Variants in NKAIN3 observed in about 807,000 individuals in gnomAD.
NKAIN3 encodes the protein sodium/potassium-transporting ATPase subunit beta-1-interacting protein 3.
A neutral mutation model predicts 30.2 loss-of-function variants in NKAIN3; 25 were observed. That is an observed-to-expected ratio of 0.83 (90% CI 0.60 to 1.16). The LOEUF (loss-of-function observed/expected upper bound fraction) is 1.16. Ranked by LOEUF, NKAIN3 falls within the 50% of genes most tolerant of loss-of-function variation. The pLI is 0.00. For synonymous variants in NKAIN3, 91 were observed against 89.6 expected (o/e 1.02, Z -0.09); for missense variants, 225 against 254.1 (o/e 0.89, Z 0.78).
intron 4 of NKAIN3, among the ~76,000 whole-genome samples, chr8:62,902,636 A>G (rs1009782272): frequency 2.0e-5 from 3 of 152,238 alleles, no homozygotes; most frequent in African/African-American, 7.2e-5. Context: ...CATGTGACAC[A>G]TTTATGAATT....
chr8:62,622,746 G>T (rs1811656413), intron 3 of NKAIN3, among the ~76,000 whole-genome samples: 1 of 151,716 alleles, frequency 6.6e-6, no homozygotes, highest in Admixed American at 6.6e-5. Context: ...TCTTAACAGG[G>T]CCTGTCACAG....
chr8:62,659,863 G>A lies in NKAIN3; in HGVS notation c.273+70069G>A, dbSNP rs554619093. 7.2e-5 allele frequency among the ~76,000 whole-genome samples: 11 copies of A among 152,094 alleles called. No homozygotes were observed. The South Asian group carries it at 2.3e-3, about 32-fold the overall frequency. On this transcript the variant is annotated intron_variant, in intron 3 of 6. Transcript: ENST00000623646. ...CATGACATCTGATGGTTCTAAAAAG[G>A]GGAGTTTCCCTGCACAAGCACTGTC... is the stretch of plus-strand genomic sequence containing the variant.
intron 5 of NKAIN3, among the ~76,000 whole-genome samples, chr8:62,930,116 C>T (rs1376162894): frequency 6.6e-6 from 1 of 152,184 alleles, no homozygotes; most frequent in Non-Finnish European, 1.5e-5. Context: ...GCATTAGGTA[C>T]ATTCAGAGTG....
chr8:62,456,307 G>A (rs1394001397), intron 1 of NKAIN3, among the ~76,000 whole-genome samples: 6 of 152,044 alleles, frequency 3.9e-5, no homozygotes, highest in Admixed American at 2.6e-4. Flanking sequence ...GGATCACGAG[G>A]TCAGGAGATC....
chr8:62,519,870 A>G (rs1266726042), intron 1 of NKAIN3, among the ~76,000 whole-genome samples: 1 of 152,146 alleles, frequency 6.6e-6, no homozygotes, highest in Non-Finnish European at 1.5e-5. Flanking sequence ...CACATAGTTC[A>G]GCACAGCCCT....
chr8:62,568,560 C>T (rs16929185), intron 1 of NKAIN3, among the ~76,000 whole-genome samples: 2,072 of 152,322 alleles, frequency 0.014, 42 homozygotes, highest in African/African-American at 0.043. Context: ...ATGTCCTTCA[C>T]ATGCACTTTT....
chr8:62,836,737 C>T (rs947442494), intron 4 of NKAIN3, among the ~76,000 whole-genome samples: 3 of 152,058 alleles, frequency 2.0e-5, no homozygotes, highest in African/African-American at 4.8e-5. Flanking sequence ...GCTTTGGCTC[C>T]AATGCTCTCA....
chr8:62,563,204 AT>A (rs1275321834), intron 1 of NKAIN3, among the ~76,000 whole-genome samples: 1 of 152,114 alleles, frequency 6.6e-6, no homozygotes, highest in Non-Finnish European at 1.5e-5. Flanking sequence ...CTATAACTGC[AT>A]TTTTTAAGGG....
intron 5 of NKAIN3, among the ~76,000 whole-genome samples, chr8:62,993,376 G>T (rs1032919377): frequency 6.6e-6 from 1 of 152,136 alleles, no homozygotes; most frequent in Non-Finnish European, 1.5e-5. Context: ...CAACACTTAA[G>T]AAAATTGGAA....
chr8:62,787,543 ATATACT>A (rs1817561664), intron 4 of NKAIN3, among the ~76,000 whole-genome samples: 1 of 151,938 alleles, frequency 6.6e-6, no homozygotes, highest in South Asian at 2.1e-4. Flanking sequence ...ATTATTATTA[ATATACT>A]TTAACTTTTA....
chr8:62,850,702 T>G (rs1489840585), intron 4 of NKAIN3, among the ~76,000 whole-genome samples: 8 of 150,714 alleles, frequency 5.3e-5, no homozygotes, highest in Non-Finnish European at 1.2e-4. Flanking sequence ...GCACCATTTA[T>G]TAAATAGGGA....
chr8:62,698,629 A>G (rs1200414319), intron 3 of NKAIN3, among the ~76,000 whole-genome samples: 1 of 152,226 alleles, frequency 6.6e-6, no homozygotes, highest in Admixed American at 6.5e-5. Flanking sequence ...TGTACAACCA[A>G]GTGTAGGACC....
chr8:62,270,358 A>G (rs960369501), intron 1 of NKAIN3, among the ~76,000 whole-genome samples: 3 of 152,188 alleles, frequency 2.0e-5, no homozygotes, highest in African/African-American at 7.2e-5. Flanking sequence ...CTGGGATTAC[A>G]GTCATGAGCC....
chr8:62,576,558 C>T (rs1426846774), intron 1 of NKAIN3, among the ~76,000 whole-genome samples: 1 of 152,108 alleles, frequency 6.6e-6, no homozygotes, highest in Non-Finnish European at 1.5e-5. Context: ...ATCACAACCA[C>T]TGTTTTCTAG....
intron 1 of NKAIN3, among the ~76,000 whole-genome samples, chr8:62,274,267 AT>A (rs35165279): frequency 0.59 from 90,096 of 151,828 alleles, 26,981 homozygotes; most frequent in East Asian, 0.68. Context: ...AAAAAAAGCA[AT>A]TTTTTGGAGA....
At chr8:62,365,547 T>C (rs1816709123) in intron 1 of NKAIN3, among the ~76,000 whole-genome samples, 1 of 152,326 alleles carries the variant, frequency 6.6e-6, no homozygotes, top group African/African-American at 2.4e-5. Context: ...GGAATGAACA[T>C]TTATGTTGTT....
At chr8:62,333,982 T>C (rs529463131) in intron 1 of NKAIN3, among the ~76,000 whole-genome samples, 1 of 152,138 alleles carries the variant, frequency 6.6e-6, no homozygotes, top group Non-Finnish European at 1.5e-5. Context: ...AGGCGCAGAA[T>C]GACTTCAAGA....
intron 1 of NKAIN3, among the ~76,000 whole-genome samples, chr8:62,380,352 C>A (rs551364897): frequency 6.6e-6 from 1 of 152,220 alleles, no homozygotes; most frequent in Admixed American, 6.5e-5. Context: ...GTCTCTGTCC[C>A]TCATGGAATG....
chr8:62,508,539 A>G (rs1378679603), intron 1 of NKAIN3, among the ~76,000 whole-genome samples: 1 of 152,136 alleles, frequency 6.6e-6, no homozygotes, highest in Non-Finnish European at 1.5e-5. Context: ...TCCGGGGACC[A>G]GTTAGTCATG....
Sources: gnomAD v4.1 joint callset for allele counts (sites outside exome capture counted in the v4.1 genomes callset) on GRCh38, gnomAD v4.1.1 for gene constraint, MANE v1.5 for transcripts, NCBI Gene and HGNC (gene_info 2026-07-23, HGNC 2026-07-21) for gene names.